SLC25A14: variants seen among roughly 807,000 people sequenced by gnomAD.
SLC25A14 encodes solute carrier family 25 member 14, also known as brain mitochondrial carrier protein 1.
SLC25A14 carries 8 observed loss-of-function variants against 28.1 expected under a neutral mutation model. The observed-to-expected ratio is 0.28, with a 90% confidence interval of 0.17 to 0.51. The LOEUF is 0.51. SLC25A14 is among the 20% of genes least tolerant of loss of function. SLC25A14 has a pLI of 0.97. For missense variants in SLC25A14, 135 were observed against 263.8 expected, an observed-to-expected ratio of 0.51 and a Z score of 3.38; for synonymous variants, 74 against 90.6, an observed-to-expected ratio of 0.82 and a Z score of 1.04.
intron 5 of SLC25A14, 144 bp from the exon 6 acceptor site, chrX:130,350,500 TGA>T (rs2124752066): frequency 3.3e-6 from 1 of 304,437 alleles, no homozygotes; most frequent in African/African-American, 2.7e-5. Context: ...TAGAAATATT[TGA>T]GTTTCTTTAT....
chrX:130,345,278 A>G lies in SLC25A14; in HGVS notation c.169+3A>G. The G allele has an allele frequency of 5.3e-6, 6 of 1,123,190 alleles. No homozygotes were observed. Among genetic ancestry groups the G allele is most frequent in the Non-Finnish European group, 7.4e-6 (6 of 814,903 alleles). The allele number at this position is 1,123,190 out of a possible 1,213,427, so 92.6% of individuals were successfully genotyped here. A position where few individuals can be genotyped will look rare whatever the true frequency, so the allele number is the denominator to read the frequency against. On this transcript the variant is annotated splice_donor_region_variant and intron_variant, in intron 3 of 10. Transcript: ENST00000545805. ...TGCCTCTATCGTGGCTGAGTTTGGT[A>G]AGAATGTGAGAAATGACAAATCTGC...
At chrX:130,362,042 C>T (rs2033982638) in intron 7 of SLC25A14, among the ~76,000 whole-genome samples, 1 of 111,011 alleles carries the variant, frequency 9.0e-6, no homozygotes, top group African/African-American at 3.3e-5. Context: ...CACCCTTCGG[C>T]TAGCCAGCCA....
chrX:130,340,671 T>C (rs2033227058), intron 2 of SLC25A14, among the ~76,000 whole-genome samples: 1 of 111,035 alleles, frequency 9.0e-6, no homozygotes, highest in African/African-American at 3.3e-5. Context: ...TGTGTCTTCA[T>C]TGGGGAAGTC....
At chrX:130,347,704 T>C (rs2033484878) in intron 4 of SLC25A14, among the ~76,000 whole-genome samples, 2 of 111,771 alleles carry the variant, frequency 1.8e-5, no homozygotes, top group African/African-American at 6.5e-5. Context: ...CTTTATTAGG[T>C]GAGCAATGAT....
At chrX:130,347,203 T>C (rs2033467426) in intron 4 of SLC25A14, among the ~76,000 whole-genome samples, 1 of 111,704 alleles carries the variant, frequency 9.0e-6, no homozygotes, top group African/African-American at 3.2e-5. Context: ...CACTCCTGCA[T>C]CTAGGCTACC....
chrX:130,347,137 A>G (rs1290256889), intron 4 of SLC25A14, among the ~76,000 whole-genome samples: 1 of 111,611 alleles, frequency 9.0e-6, no homozygotes, highest in African/African-American at 3.3e-5. Context: ...TTGATTAGCC[A>G]TAATTTTGTG....
Position 130,340,287 on chromosome X carries a change from C to T in SLC25A14, c.9C>T (p.Ile3=). Residue 3 remains isoleucine, a synonymous_variant, in exon 2 of 11, where the codon ATC becomes ATT. Transcript: ENST00000545805. Reference sequence around the variant, plus strand: ...TGCTACCCAGAGGGTGAATGGGTATCTTTCCCGGAATAATCCTAATTTTTC... The same window carrying T: ...TGCTACCCAGAGGGTGAATGGGTATTTTTCCCGGAATAATCCTAATTTTTC... MG[I]FPGIILIFLR... 1.7e-6 allele frequency: 2 copies of T among 1,210,924 alleles called. No individual in the cohort carries two copies. The highest frequency in any genetic ancestry group is 2.2e-6 in the Non-Finnish European group (2 of 894,648).
chrX:130,348,965 A>G (rs949205363), intron 4 of SLC25A14, among the ~76,000 whole-genome samples: 1 of 110,016 alleles, frequency 9.1e-6, no homozygotes, highest in African/African-American at 3.3e-5. Flanking sequence ...TTAGATATAT[A>G]TTGTTTAATT....
chrX:130,348,575 T>G lies in SLC25A14; in HGVS notation c.318-676T>G, dbSNP rs1322570978. On this transcript the variant is annotated intron_variant, in intron 4 of 10. Coordinates refer to ENST00000545805, the MANE Select transcript of SLC25A14 (RefSeq NM_001282195.2). ...ATTTGCATCTTCTGTCTTTTTATCT[T>G]TGTGAGTCTTGCTAGAGGTTTATCA... Among the ~76,000 whole-genome samples the G allele has an allele frequency of 8.1e-5, 9 of 110,866 alleles. No homozygotes were observed. In the Admixed American group the frequency reaches 8.7e-4, roughly 11 times the overall value.
intron 7 of SLC25A14, among the ~76,000 whole-genome samples, chrX:130,359,753 A>G (rs1163594272): frequency 9.0e-6 from 1 of 111,631 alleles, no homozygotes; most frequent in Admixed American, 9.5e-5. Flanking sequence ...GAAAGAATAG[A>G]ACTATGAAAT....
chrX:130,372,469 A>ATTTTTT (rs200630411), intron 10 of SLC25A14, among the ~76,000 whole-genome samples: 1 of 54,843 alleles, frequency 1.8e-5, no homozygotes, highest in African/African-American at 4.7e-5. Flanking sequence ...ATTTATTTTT[A>ATTTTTT]TTTTTTTTTT....
At chrX:130,371,207 C>T (rs2034255019) in intron 9 of SLC25A14, among the ~76,000 whole-genome samples, 1 of 111,503 alleles carries the variant, frequency 9.0e-6, no homozygotes, top group Non-Finnish European at 1.9e-5. Flanking sequence ...TCACTACTAC[C>T]ATATTCTGTT....
intron 10 of SLC25A14, among the ~76,000 whole-genome samples, chrX:130,372,440 G>T (rs933045819): frequency 9.2e-5 from 9 of 97,341 alleles, no homozygotes; most frequent in African/African-American, 2.8e-4. Flanking sequence ...TTGACAGGTG[G>T]TGTTTTATTT....
At chrX:130,363,860 A>T (rs2034043387) in intron 7 of SLC25A14, among the ~76,000 whole-genome samples, 1 of 111,169 alleles carries the variant, frequency 9.0e-6, no homozygotes, top group Admixed American at 9.6e-5. Context: ...CAGCATCTCA[A>T]GTAGCTGGGA....
Position 130,346,775 on chromosome X carries a change from C to T in SLC25A14, c.317+84C>T, listed in dbSNP as rs776940361. 8.5e-4 allele frequency: 679 copies of T among 800,719 alleles called. 1 individual carries two copies. The highest frequency in any genetic ancestry group is 1.1e-3 in the Non-Finnish European group (639 of 557,328). 66.0% of individuals were successfully genotyped at this position (800,719 alleles called of 1,213,427 possible). A position where few individuals can be genotyped will look rare whatever the true frequency, so the allele number is the denominator to read the frequency against. ...TTTCAGCTGTCTGATAGTTTGTGTC[C>T]GTTTCATATTCACCATTTCAACTTG... is the stretch of plus-strand genomic sequence containing the variant. On this transcript the variant is annotated intron_variant, in intron 4 of 10. Transcript: ENST00000545805.
chrX:130,358,885 T>C (rs763291787), intron 7 of SLC25A14, 150 bp downstream of exon 7: 8 of 660,039 alleles, frequency 1.2e-5, no homozygotes, highest in East Asian at 3.7e-5. Flanking sequence ...CCAAAACTTA[T>C]CATTGGCCTT....
chrX:130,351,816 A>T (rs1302011521), intron 6 of SLC25A14, among the ~76,000 whole-genome samples: 6 of 111,936 alleles, frequency 5.4e-5, no homozygotes. Context: ...CATGAAATAA[A>T]CCACTGGTGG....
At chrX:130,360,206 T>G (rs1048052504) in intron 7 of SLC25A14, among the ~76,000 whole-genome samples, 19 of 110,387 alleles carry the variant, frequency 1.7e-4, no homozygotes, top group African/African-American at 5.3e-4. Context: ...AGTTTTCTTA[T>G]AAAGTGTTTC....
chrX:130,357,736 G>A (rs1335025854), intron 6 of SLC25A14, among the ~76,000 whole-genome samples: 1 of 111,954 alleles, frequency 8.9e-6, no homozygotes, highest in East Asian at 2.8e-4. Flanking sequence ...TGGGCCGCTA[G>A]TATTTAGTGA....
Sources: allele counts gnomAD v4.1 joint callset (sites outside exome capture counted in the v4.1 genomes callset), GRCh38; gene constraint gnomAD v4.1.1; transcripts MANE v1.5; gene names NCBI Gene and HGNC (gene_info 2026-07-23, HGNC 2026-07-21).